Variants in LIN9 observed in about 807,000 individuals in gnomAD.
LIN9 encodes the protein protein lin-9 homolog.
LIN9 carries 18 observed loss-of-function variants against 78.0 expected under a neutral mutation model. The ratio of observed to expected loss-of-function variants is 0.23; its 90% confidence interval spans 0.16 to 0.34. The LOEUF (loss-of-function observed/expected upper bound fraction) is 0.34. Among genes scored for constraint, LIN9 ranks in the 10% least tolerant of loss-of-function variants. The pLI, the probability that LIN9 is intolerant of heterozygous loss-of-function variation, is 1.00. For synonymous variants in LIN9, 192 were observed against 215.2 expected (o/e 0.89, Z 0.94); for missense variants, 451 against 644.1 (o/e 0.70, Z 3.25).
intron 4 of LIN9, among the ~76,000 whole-genome samples, chr1:226,294,110 C>G (rs1172347884): frequency 6.6e-6 from 1 of 150,726 alleles, no homozygotes; most frequent in Non-Finnish European, 1.5e-5. Context: ...GAGTTTGAGA[C>G]CAGCCTGGCC....
Position 226,232,347 on chromosome 1 carries a change from TAAG to T in LIN9, c.*151_*153del. 2.3e-6 allele frequency: 1 copy of T among 440,774 alleles called. No individual in the cohort carries two copies. The highest frequency in any genetic ancestry group is 4.0e-6 in the Non-Finnish European group (1 of 249,008). The allele number at this position is 440,774 out of a possible 1,614,324, so 27.3% of individuals were successfully genotyped here. ...ATAATGCTGGTCAGCAATGCTGGTT[TAAG>T]AAGCAGTACAGTCTATTAAAATGCC... On this transcript the variant is annotated 3_prime_UTR_variant, in exon 15 of 15. Transcript: ENST00000681046.
chr1:226,289,148 T>C (rs1661564529), intron 4 of LIN9, among the ~76,000 whole-genome samples: 1 of 151,740 alleles, frequency 6.6e-6, no homozygotes, highest in Admixed American at 6.6e-5. Flanking sequence ...GGCAGAAGAC[T>C]AGCTTGAACC....
At chr1:226,234,386 A>AAC (rs1657548160) in intron 12 of LIN9, among the ~76,000 whole-genome samples, 1 of 152,354 alleles carries the variant, frequency 6.6e-6, no homozygotes, top group African/African-American at 2.4e-5. Flanking sequence ...TTAAAAAATG[A>AAC]ACTAGTATCA....
At chr1:226,287,931 C>A in intron 4 of LIN9, 134 bp from the exon 5 acceptor site, 1 of 621,464 alleles carries the variant, frequency 1.6e-6, no homozygotes. Context: ...TGATATTCAA[C>A]ATGGAATTTT....
chr1:226,233,636 C>T (rs915147026), intron 12 of LIN9, 113 bp from the exon 13 acceptor site: 30 of 676,830 alleles, frequency 4.4e-5, no homozygotes, highest in Non-Finnish European at 5.6e-5. Context: ...GCATTTAAAA[C>T]TAAAGTGGTA....
intron 7 of LIN9, among the ~76,000 whole-genome samples, chr1:226,271,209 C>T (rs570327573): frequency 6.6e-6 from 1 of 152,286 alleles, no homozygotes; most frequent in African/African-American, 2.4e-5. Context: ...TTTTCCATTA[C>T]TTTGAATACG....
At chr1:226,244,076 A>G (rs1171030587) in intron 11 of LIN9, among the ~76,000 whole-genome samples, 1 of 149,634 alleles carries the variant, frequency 6.7e-6, no homozygotes, top group Non-Finnish European at 1.5e-5. Context: ...GGGTTTCACC[A>G]TGTTGGCCAG....
At chr1:226,264,362 G>C (rs570094315) in intron 10 of LIN9, among the ~76,000 whole-genome samples, 1 of 152,164 alleles carries the variant, frequency 6.6e-6, no homozygotes, top group South Asian at 2.1e-4. Flanking sequence ...GGGAGACAGA[G>C]TGAGACTCTG....
intron 6 of LIN9, among the ~76,000 whole-genome samples, chr1:226,278,901 ATCGAGG>A (rs1247636299): frequency 4.3e-4 from 64 of 150,588 alleles, no homozygotes; most frequent in African/African-American, 1.1e-3. Flanking sequence ...GCGGGTAGAT[ATCGAGG>A]TCAGGAAATC....
intron 1 of LIN9, chr1:226,308,858 G>A: frequency 3.6e-6 from 1 of 280,240 alleles, no homozygotes; most frequent in Non-Finnish European, 6.6e-6. Context: ...CCTCCGCCTG[G>A]CACAGGCTGG....
intron 10 of LIN9, among the ~76,000 whole-genome samples, chr1:226,260,888 G>A (rs1202124348): frequency 6.6e-6 from 1 of 151,806 alleles, no homozygotes; most frequent in Non-Finnish European, 1.5e-5. Context: ...CTCGTGATCT[G>A]CCTGCCTCGG....
Position 226,290,267 on chromosome 1 carries a change from CAT to C in LIN9, c.265-2472_265-2471del, listed in dbSNP as rs971992390. On this transcript the variant is annotated intron_variant, in intron 4 of 14. Transcript: ENST00000681046. ...GAAAAGGAAAGAAATAATTTTTAAA[CAT>C]ATGAAAAGTGTCTCAACTTTGCTCT... Among the ~76,000 whole-genome samples, 78 of 150,002 alleles carry C rather than the reference CAT, an allele frequency of 5.2e-4. 1 individual carries two copies. Among genetic ancestry groups the C allele is most frequent in the African/African-American group, 1.8e-3 (73 of 41,102 alleles).
At chr1:226,238,079 G>A (rs1169345858) in intron 12 of LIN9, among the ~76,000 whole-genome samples, 1 of 152,148 alleles carries the variant, frequency 6.6e-6, no homozygotes, top group Non-Finnish European at 1.5e-5. Context: ...TTACCCTGTA[G>A]TAGGAAACTC....
At chr1:226,234,678 G>C (rs1281320472) in intron 12 of LIN9, among the ~76,000 whole-genome samples, 3 of 151,832 alleles carry the variant, frequency 2.0e-5, no homozygotes, top group Non-Finnish European at 4.4e-5. Context: ...CCAAGATCTG[G>C]GTCTAGTGTG....
At chr1:226,245,911 T>TA (rs1472750293) in intron 11 of LIN9, among the ~76,000 whole-genome samples, 3 of 152,206 alleles carry the variant, frequency 2.0e-5, no homozygotes, top group Non-Finnish European at 4.4e-5. Flanking sequence ...TACTTCCCCC[T>TA]AATTAGCTTG....
intron 7 of LIN9, among the ~76,000 whole-genome samples, chr1:226,270,367 C>A (rs1282157583): frequency 1.3e-4 from 19 of 151,928 alleles, no homozygotes; most frequent in Non-Finnish European, 1.5e-5. Flanking sequence ...CAACAACTCT[C>A]CAAAAAATTA....
At chr1:226,296,252 G>A (rs1477906070) in intron 3 of LIN9, among the ~76,000 whole-genome samples, 12 of 152,180 alleles carry the variant, frequency 7.9e-5, no homozygotes, top group East Asian at 3.8e-4. Context: ...AATAAGTTCC[G>A]GAAATTCCAG....
rs752743153 is a variant in LIN9 at position 226,277,786 on chromosome 1, G to A, written c.671C>T (p.Thr224Met). Reference sequence around the variant, plus strand: ...TTGTTTTCACTTACCTGTAACTTTCGTTCCAATAACCAGAGGCAAAGGAAT... The same window carrying A: ...TTGTTTTCACTTACCTGTAACTTTCATTCCAATAACCAGAGGCAAAGGAAT... ...DEIPLPLVIGTKVTARLRGVH... is the reference protein window; with the variant it reads ...DEIPLPLVIGMKVTARLRGVH... Residue 224 changes from threonine (T) to methionine (M), a missense_variant, in exon 7 of 15, where the codon ACG (threonine) becomes ATG (methionine). Coordinates refer to ENST00000681046, the MANE Select transcript of LIN9 (RefSeq NM_001366245.2). 6.2e-7 allele frequency: 1 copy of A among 1,612,990 alleles called. No individual in the cohort carries two copies. Among genetic ancestry groups the A allele is most frequent in the Non-Finnish European group, 8.5e-7 (1 of 1,179,628 alleles).
intron 12 of LIN9, among the ~76,000 whole-genome samples, chr1:226,236,584 T>G (rs1385930260): frequency 6.6e-6 from 1 of 152,076 alleles, no homozygotes; most frequent in Non-Finnish European, 1.5e-5. Flanking sequence ...GCCTCCCGAG[T>G]AGCTGGGACT....
Sources: allele counts gnomAD v4.1 joint callset (sites outside exome capture counted in the v4.1 genomes callset), GRCh38; gene constraint gnomAD v4.1.1; transcripts MANE v1.5; gene names NCBI Gene and HGNC (gene_info 2026-07-23, HGNC 2026-07-21).